The following TRPM2 variants were observed in gnomAD, a reference collection of about 807,000 sequenced individuals.
The protein encoded by TRPM2 is transient receptor potential cation channel subfamily M member 2.
A neutral mutation model predicts 174.0 loss-of-function variants in TRPM2; 161 were observed. That is an observed-to-expected ratio of 0.93 (90% CI 0.81 to 1.05). The LOEUF is 1.05. Among genes scored for constraint, TRPM2 ranks in the 50% least tolerant of loss-of-function variants. TRPM2 has a pLI of 0.00. For synonymous variants in TRPM2, 954 were observed against 861.3 expected (o/e 1.11, Z -1.88); for missense variants, 2,057 against 2,038.0 (o/e 1.01, Z -0.18).
chr21:44,425,116 T>C, intron 24 of TRPM2, 177 bp downstream of exon 24: 1 of 615,084 alleles, frequency 1.6e-6, no homozygotes, highest in East Asian at 2.9e-5. Context: ...CCACCGACGC[T>C]GGCGCCGAGG....
At chr21:44,402,332 C>G (rs1177113157) in intron 16 of TRPM2, among the ~76,000 whole-genome samples, 1 of 152,164 alleles carries the variant, frequency 6.6e-6, no homozygotes, top group Non-Finnish European at 1.5e-5. Context: ...AGTCTACAGA[C>G]TAAACCAGCC....
At position 44,395,542 on chromosome 21, in the gene TRPM2, C is replaced by G. The variant is rs150484698; in HGVS notation, c.1923C>G (p.Ile641Met). The stretch of plus-strand genomic sequence containing the variant: ...ACCGTCGGGAGCTGGCAGGAATCAT[C>G]TGGGCTCAGGTAATAAGACTGGCTT... ...VQNRRELAGI[I>M]WAQSQDCIAA... The change falls in exon 12 of 32, where the codon ATC (isoleucine) becomes ATG (methionine). Residue 641 changes from isoleucine to methionine, a missense_variant. Coordinates refer to ENST00000397928, the MANE Select transcript of TRPM2 (RefSeq NM_003307.4). The G allele has an allele frequency of 1.6e-3, 2,536 of 1,612,838 alleles. 5 individuals carry two copies. Among genetic ancestry groups the G allele is most frequent in the Non-Finnish European group, 2.0e-3 (2,303 of 1,179,938 alleles).
chr21:44,422,349 T>G (rs1159522887), intron 22 of TRPM2: 2 of 1,536,010 alleles, frequency 1.3e-6, no homozygotes, highest in Non-Finnish European at 1.7e-6. Flanking sequence ...GGTGGTGGAA[T>G]CACGCGGGTC....
intron 19 of TRPM2, among the ~76,000 whole-genome samples, chr21:44,407,562 A>T (rs528073156): frequency 6.8e-6 from 1 of 147,520 alleles, no homozygotes; most frequent in East Asian, 2.0e-4. Flanking sequence ...ACTTTATAAC[A>T]TCTGCATCAC....
chr21:44,377,497 C>T (rs771128790), intron 6 of TRPM2, among the ~76,000 whole-genome samples: 2 of 152,210 alleles, frequency 1.3e-5, no homozygotes, highest in Non-Finnish European at 2.9e-5. Flanking sequence ...TGACTTTAAA[C>T]GGCGACTCAG....
intron 2 of TRPM2, among the ~76,000 whole-genome samples, chr21:44,356,554 C>T (rs1375296120): frequency 7.9e-5 from 11 of 138,444 alleles, no homozygotes; most frequent in Admixed American, 1.5e-4. Flanking sequence ...TTTTTTGAGA[C>T]GGGGTCTCGC....
chr21:44,354,883 G>A lies in TRPM2; in HGVS notation c.254+147G>A, dbSNP rs779777926. 16 of 720,170 alleles carry A rather than the reference G, an allele frequency of 2.2e-5. No individual in the cohort carries two copies. Among genetic ancestry groups the A allele is most frequent in the Non-Finnish European group, 3.4e-5 (14 of 413,238 alleles). 44.6% of individuals were successfully genotyped at this position (720,170 alleles called of 1,614,324 possible). A position where few individuals can be genotyped will look rare whatever the true frequency, so the allele number is the denominator to read the frequency against. On this transcript the variant is annotated intron_variant, in intron 2 of 31. Transcript: ENST00000397928. The surrounding 1 kb of genome is among the most constrained non-coding windows in gnomAD (Gnocchi z 4.3). ...CCATACGAGGCTTAGAGTCCACAGA[G>A]CATTTCCACCTAACCCTTGCAAGCC...
At chr21:44,436,947 G>A in intron 28 of TRPM2, 115 bp from the exon 29 acceptor site, 3 of 811,102 alleles carry the variant, frequency 3.7e-6, no homozygotes, top group Non-Finnish European at 5.8e-6. Flanking sequence ...AACACGGTTT[G>A]AGCCTGCAGT....
At chr21:44,398,291 T>A (rs142767499) in intron 13 of TRPM2, among the ~76,000 whole-genome samples, 6 of 150,886 alleles carry the variant, frequency 4.0e-5, no homozygotes, top group African/African-American at 1.5e-4. Context: ...CCCTCTGCCC[T>A]CTGGATTCAA....
intron 11 of TRPM2, among the ~76,000 whole-genome samples, chr21:44,394,492 T>A (rs1732305203): frequency 6.6e-6 from 1 of 151,876 alleles, no homozygotes; most frequent in South Asian, 2.1e-4. Context: ...GCTAATTTTT[T>A]GTATTTTTAG....
chr21:44,380,478 C>T (rs913324994), intron 8 of TRPM2, among the ~76,000 whole-genome samples: 5 of 152,196 alleles, frequency 3.3e-5, no homozygotes, highest in African/African-American at 1.2e-4. Context: ...TGAGTTTAAT[C>T]TGCTGTTGTT....
intron 9 of TRPM2, among the ~76,000 whole-genome samples, chr21:44,390,142 A>C (rs926718126): frequency 3.3e-5 from 5 of 152,102 alleles, no homozygotes; most frequent in Non-Finnish European, 5.9e-5. Context: ...AAAATGCGGG[A>C]TTACAGGTGT....
chr21:44,373,086 C>T (rs1023846190), intron 5 of TRPM2, among the ~76,000 whole-genome samples: 1 of 152,188 alleles, frequency 6.6e-6, no homozygotes, highest in African/African-American at 2.4e-5. Flanking sequence ...GCTGTCTCCA[C>T]TCCTGGCTTC....
chr21:44,369,960 G>T, intron 5 of TRPM2, among the ~76,000 whole-genome samples: 1 of 133,374 alleles, frequency 7.5e-6, no homozygotes, highest in Admixed American at 7.3e-5. Context: ...GGTGGAGTGT[G>T]CGGGGGAGGC....
chr21:44,397,621 C>A, intron 12 of TRPM2, 126 bp from the exon 13 acceptor site: 1 of 1,045,688 alleles, frequency 9.6e-7, no homozygotes, highest in Non-Finnish European at 1.3e-6. Context: ...TGGTCACACA[C>A]AGTGATTGCC....
In TRPM2 at chr21:44,418,015, G is replaced by C. The variant is rs371207692; in HGVS notation, c.3235G>C (p.Ala1079Pro). The C allele has an allele frequency of 1.9e-6, 3 of 1,612,870 alleles. No homozygotes were observed. The highest frequency in any genetic ancestry group is 2.5e-6 in the Non-Finnish European group (3 of 1,179,982). The stretch of plus-strand genomic sequence containing the variant: ...GATCGAGGAGTACCACGGCCGCCCC[G>C]CCGCGCCGCCCCCCTTCATCCTCCT... ...DLIEEYHGRPAAPPPFILLSH... is the reference protein window; with the variant it reads ...DLIEEYHGRPPAPPPFILLSH... Residue 1079 changes from alanine (A) to proline (P), a missense_variant, in exon 21 of 32, where the codon GCC becomes CCC. Ala to Pro is a conservative substitution (Grantham distance 27). Transcript: ENST00000397928.
In TRPM2 at chr21:44,413,890, G is replaced by A. The variant is rs2050187879; in HGVS notation, c.2963-1G>A. 6.2e-7 allele frequency: 1 copy of A among 1,609,226 alleles called. No homozygotes were observed. Among genetic ancestry groups the A allele is most frequent in the Non-Finnish European group, 8.5e-7 (1 of 1,176,048 alleles). ...TCACCCACCCCCATTCCCAACGCCA[G>A]GTGTGAACTTCAACCCGGAGCACTG... On this transcript the variant is annotated splice_acceptor_variant, in intron 19 of 31. Transcript: ENST00000397928. LOFTEE classifies it high-confidence loss of function.
chr21:44,385,193 T>G (rs2048984046), intron 9 of TRPM2, among the ~76,000 whole-genome samples: 1 of 152,166 alleles, frequency 6.6e-6, no homozygotes. Flanking sequence ...TTATCTCAAC[T>G]GATACATTTG....
intron 5 of TRPM2, among the ~76,000 whole-genome samples, chr21:44,373,761 C>T (rs145817756): frequency 9.2e-5 from 14 of 152,300 alleles, no homozygotes; most frequent in African/African-American, 3.4e-4. Flanking sequence ...AGCCAGGCCA[C>T]AACTTGAACA....
Sources: allele counts gnomAD v4.1 joint callset (sites outside exome capture counted in the v4.1 genomes callset), GRCh38; gene constraint gnomAD v4.1.1; non-coding constraint Gnocchi (gnomAD v3.1); transcripts MANE v1.5; gene names NCBI Gene and HGNC (gene_info 2026-07-23, HGNC 2026-07-21).